Variants in NADK observed in about 807,000 individuals in gnomAD.
NADK encodes poly(P)/ATP NAD kinase.
In NADK, 22 loss-of-function variants were observed where a neutral mutation model predicts 49.8. That is an observed-to-expected ratio of 0.44 (90% CI 0.32 to 0.63). NADK has a LOEUF of 0.63. Ranked by LOEUF, NADK falls within the 30% of genes least tolerant of loss-of-function variation. The pLI is 0.06. For synonymous variants in NADK, 268 were observed against 253.7 expected (o/e 1.06, Z -0.54); for missense variants, 438 against 609.4 (o/e 0.72, Z 2.96).
intron 1 of NADK, among the ~76,000 whole-genome samples, chr1:1,766,503 G>A (rs1645892725): frequency 1.4e-5 from 2 of 140,190 alleles, no homozygotes; most frequent in African/African-American, 2.6e-5. Flanking sequence ...GAGAAAGTGT[G>A]CAATTTCAAA....
At chr1:1,774,538 G>A (rs372274372) in intron 1 of NADK, among the ~76,000 whole-genome samples, 17 of 151,862 alleles carry the variant, frequency 1.1e-4, no homozygotes, top group Admixed American at 7.9e-4. Flanking sequence ...TGCAGGCGTC[G>A]CCACCGCGCA....
Position 1,764,848 on chromosome 1 carries a change from C to A in NADK, c.179+380G>T, listed in dbSNP as rs1027967662. Among the ~76,000 whole-genome samples, 5 of 152,318 alleles carry A rather than the reference C, an allele frequency of 3.3e-5. No homozygotes were observed. The South Asian group carries it at 1.0e-3, about 32-fold the overall frequency. On this transcript the variant is annotated intron_variant, in intron 2 of 11. Transcript: ENST00000341426. ...CCTGGGAGGCGGAGGTTGCAGTGAGCCAAGATTGCGCCACTGCACTCCAGC... is the reference window on the plus strand; with the variant it reads ...CCTGGGAGGCGGAGGTTGCAGTGAGACAAGATTGCGCCACTGCACTCCAGC...
In NADK at chr1:1,754,322, T is replaced by C; in HGVS notation, c.905A>G (p.Tyr302Cys). The C allele has an allele frequency of 6.2e-7, 1 of 1,613,844 alleles. No homozygotes were observed. Among genetic ancestry groups the C allele is most frequent in the Non-Finnish European group, 8.5e-7 (1 of 1,179,942 alleles). Residue 302 changes from tyrosine (Y) to cysteine (C), a missense_variant, in exon 9 of 12, where the codon TAC becomes TGC. Physicochemically the swap from Tyr to Cys is radical, Grantham distance 194. Coordinates refer to ENST00000341426, the MANE Select transcript of NADK (RefSeq NM_023018.5). The surrounding 1 kb of genome is among the most constrained non-coding windows in gnomAD (Gnocchi z 4.3). ...CGTGGTGATGAGGTGTCCGTCCAGG[T>C]AGACATCCACATTGGACAGGTAGGA... The part of the protein sequence containing the change: ...PSSYLSNVDV[Y>C]LDGHLITTVQ...
chr1:1,756,496 A>G lies in NADK; in HGVS notation c.499+7T>C, dbSNP rs1570512800. 1.9e-6 allele frequency: 3 copies of G among 1,614,026 alleles called. No homozygotes were observed. Among genetic ancestry groups the G allele is most frequent in the Non-Finnish European group, 1.7e-6 (2 of 1,179,990 alleles). ...AGAAACCAAGGACAGAGCTGCTGAC[A>G]GCCCACCTTCTCGAAAGGTACAGAA... On this transcript the variant is annotated splice_region_variant and intron_variant, in intron 5 of 11. Coordinates refer to ENST00000341426, the MANE Select transcript of NADK (RefSeq NM_023018.5).
chr1:1,756,417 A>G (rs1322055351), intron 5 of NADK, 74 bp from the exon 6 acceptor site: 1 of 1,609,330 alleles, frequency 6.2e-7, no homozygotes, highest in Non-Finnish European at 8.5e-7. Context: ...CGCAGACACC[A>G]ATGACAAGGG....
Position 1,755,454 on chromosome 1 carries a change from G to C in NADK, c.608C>G (p.Ala203Gly). ...GAAGCCCAGGGAGCCCAGGTGGAAG[G>C]CCATGACCGGAGGGACGCTGCCCTG... Reference protein sequence around the residue: ...LFQGSVPPVMAFHLGSLGFLT... With the variant: ...LFQGSVPPVMGFHLGSLGFLT... Residue 203 changes from alanine to glycine, a missense_variant, in exon 7 of 12, where the codon GCC becomes GGC. Ala to Gly is a moderately conservative substitution (Grantham distance 60). Transcript: ENST00000341426. 3.1e-6 allele frequency: 5 copies of C among 1,613,930 alleles called. No individual in the cohort carries two copies. The highest frequency in any genetic ancestry group is 4.2e-6 in the Non-Finnish European group (5 of 1,179,976).
chr1:1,755,827 C>T lies in NADK; in HGVS notation c.586-351G>A, dbSNP rs117239597. Among the ~76,000 whole-genome samples, 533 of 152,234 alleles carry T rather than the reference C, an allele frequency of 3.5e-3. 15 individuals are homozygous for T. The East Asian group carries it at 0.081, about 23-fold the overall frequency. Reference sequence around the variant, plus strand: ...TGGGGAGATGGGGAGAAAAGCAGGGCGGGCTGCGGGCATTTCCGGTGTCAC... The same window carrying T: ...TGGGGAGATGGGGAGAAAAGCAGGGTGGGCTGCGGGCATTTCCGGTGTCAC... On this transcript the variant is annotated intron_variant, in intron 6 of 11. Transcript: ENST00000341426.
chr1:1,754,794 T>C lies in NADK; in HGVS notation c.689-96A>G. 8.4e-7 allele frequency: 1 copy of C among 1,184,210 alleles called. No individual in the cohort carries two copies. The highest frequency in any genetic ancestry group is 1.2e-6 in the Non-Finnish European group (1 of 843,904). The allele number at this position is 1,184,210 out of a possible 1,614,324, so 73.4% of individuals were successfully genotyped here. Reference sequence around the variant, plus strand: ...GGCCAGTGGGAGTCAGAGGGCTCTTTCTTCTCCCAAGTTGACACACTTCTG... The same window carrying C: ...GGCCAGTGGGAGTCAGAGGGCTCTTCCTTCTCCCAAGTTGACACACTTCTG... On this transcript the variant is annotated intron_variant, in intron 7 of 11. Transcript: ENST00000341426. The surrounding 1 kb of genome is among the most constrained non-coding windows in gnomAD (Gnocchi z 4.3).
chr1:1,757,298 G>A lies in NADK; in HGVS notation c.276C>T (p.Asp92=), dbSNP rs753658590. The A allele has an allele frequency of 1.9e-6, 3 of 1,613,732 alleles. No homozygotes were observed. Among genetic ancestry groups the A allele is most frequent in the South Asian group, 1.1e-5 (1 of 91,082 alleles). ...QNPQTIMHIQ[D]PASQRLTWNK... is the part of the protein sequence containing the mutation. ...TCCACGTCAGCCGCTGGCTCGCGGG[G>A]TCCTGAATGTGCCTTTAGGGGAGGA... Residue 92 remains aspartate, a synonymous_variant, in exon 4 of 12, where the codon GAC becomes GAT. Coordinates refer to ENST00000341426, the MANE Select transcript of NADK (RefSeq NM_023018.5).
Position 1,754,385 on chromosome 1 carries a change from T to G in NADK, c.844-2A>C, listed in dbSNP as rs1467956439. On this transcript the variant is annotated splice_acceptor_variant, in intron 8 of 11. Transcript: ENST00000341426. LOFTEE classifies it high-confidence loss of function. This position sits in a 1 kb window ranked among gnomAD's most constrained non-coding sequence, Gnocchi z 4.3. ...GTCAATCACCACCTCATTCAGGACC[T>G]GGAGGGGCGACAGCATTGCACACTC... The G allele has an allele frequency of 3.7e-6, 6 of 1,613,676 alleles. No individual in the cohort carries two copies. Among genetic ancestry groups the G allele is most frequent in the Non-Finnish European group, 5.1e-6 (6 of 1,179,766 alleles).
In NADK at chr1:1,751,913, C is replaced by A. The variant is rs1353333747; in HGVS notation, c.*991G>T. On this transcript the variant is annotated 3_prime_UTR_variant, in exon 12 of 12. Transcript: ENST00000341426. ...CGGTGCTGGGCAGGCTGGAGACTCA[C>A]GGGAGAGGCAGGAGGAGAATCAGCG... 1 of 100,656 alleles carries A rather than the reference C, an allele frequency of 9.9e-6. No homozygotes were observed. The highest frequency in any genetic ancestry group is 2.3e-5 in the Non-Finnish European group (1 of 43,460). 6.2% of individuals were successfully genotyped at this position (100,656 alleles called of 1,614,324 possible).
intron 3 of NADK, chr1:1,761,741 G>A: frequency 2.0e-6 from 1 of 489,856 alleles, no homozygotes; most frequent in Non-Finnish European, 3.7e-6. Context: ...GCACTCAGGG[G>A]GTTCAGGGAG....
Position 1,752,726 on chromosome 1 carries a change from CA to C in NADK, c.*177del. ...GCTTCTTTAGAAATGCAAAAAAAGT[CA>C]GACATTTTAAAAAAACAGCTGATCT... On this transcript the variant is annotated 3_prime_UTR_variant, in exon 12 of 12. Transcript: ENST00000341426. 2 of 706,920 alleles carry C rather than the reference CA, an allele frequency of 2.8e-6. No homozygotes were observed. The highest frequency in any genetic ancestry group is 4.5e-6 in the Non-Finnish European group (2 of 445,960). 43.8% of individuals were successfully genotyped at this position (706,920 alleles called of 1,614,324 possible).
At chr1:1,774,235 T>C (rs1646142327) in intron 1 of NADK, among the ~76,000 whole-genome samples, 1 of 151,682 alleles carries the variant, frequency 6.6e-6, no homozygotes, top group African/African-American at 2.4e-5. Flanking sequence ...ACCAGTGTAT[T>C]TTTTGTTTTT....
In NADK at chr1:1,759,886, G is replaced by C. The variant is rs187983113; in HGVS notation, c.263+2066C>G. On this transcript the variant is annotated intron_variant, in intron 3 of 11. Coordinates refer to ENST00000341426, the MANE Select transcript of NADK (RefSeq NM_023018.5). ...GGTGAAGGCAGCAGCTGAGATGCGA[G>C]TGACAAAGGAGTGGCTCTGCCAGGA... 13 of 1,550,596 alleles carry C rather than the reference G, an allele frequency of 8.4e-6. No individual in the cohort carries two copies. In the Admixed American group the frequency reaches 1.6e-4, roughly 19 times the overall value.
At chr1:1,771,910 C>T (rs916698371) in intron 1 of NADK, among the ~76,000 whole-genome samples, 3 of 151,444 alleles carry the variant, frequency 2.0e-5, no homozygotes, top group Admixed American at 1.3e-4. Context: ...CAGGCTCAAG[C>T]AATCCTCCCA....
chr1:1,753,511 G>A lies in NADK; in HGVS notation c.1184+56C>T. ...GGCCAACCGCAAGAGGGCAGGCGCT[G>A]CCTGGCCCGGGGAGGAGGTTGGCAG... is the stretch of plus-strand genomic sequence containing the variant. On this transcript the variant is annotated intron_variant, in intron 11 of 11. Transcript: ENST00000341426. 7 of 1,491,938 alleles carry A rather than the reference G, an allele frequency of 4.7e-6. No individual in the cohort carries two copies. The Middle Eastern group carries it at 6.1e-4, about 129-fold the overall frequency. 92.4% of individuals were successfully genotyped at this position (1,491,938 alleles called of 1,614,324 possible).
Position 1,754,227 on chromosome 1 carries a change from G to A in NADK, c.944-19C>T. ...ATCACTCCTGACAGGGACAGGCGCAGGCGTCACTCCCGCCCGAGGGACGCT... is the reference window on the plus strand; with the variant it reads ...ATCACTCCTGACAGGGACAGGCGCAAGCGTCACTCCCGCCCGAGGGACGCT... On this transcript the variant is annotated intron_variant, in intron 9 of 11. Coordinates refer to ENST00000341426, the MANE Select transcript of NADK (RefSeq NM_023018.5). The surrounding 1 kb of genome is among the most constrained non-coding windows in gnomAD (Gnocchi z 4.3). 1.9e-6 allele frequency: 3 copies of A among 1,613,044 alleles called. No individual in the cohort carries two copies. Among genetic ancestry groups the A allele is most frequent in the Non-Finnish European group, 2.5e-6 (3 of 1,179,876 alleles).
chr1:1,767,368 C>G (rs4648826), intron 1 of NADK, among the ~76,000 whole-genome samples: 125,137 of 152,218 alleles, frequency 0.82, 53,429 homozygotes, highest in Non-Finnish European at 0.94. Flanking sequence ...CACCCAGAAG[C>G]TGGAGGTGAC....
Sources: gnomAD v4.1 joint callset for allele counts (sites outside exome capture counted in the v4.1 genomes callset) on GRCh38, gnomAD v4.1.1 for gene constraint, Gnocchi (gnomAD v3.1) non-coding constraint, MANE v1.5 for transcripts, NCBI Gene and HGNC (gene_info 2026-07-23, HGNC 2026-07-21) for gene names.